ARHGEF11: variants seen among roughly 807,000 people sequenced by gnomAD.
ARHGEF11 encodes the protein Rho guanine exchange factor (GEF) 11.
In ARHGEF11, 55 loss-of-function variants were observed where a neutral mutation model predicts 193.7. The ratio of observed to expected loss-of-function variants is 0.28; its 90% CI spans 0.23 to 0.36. ARHGEF11 has a LOEUF of 0.36. ARHGEF11 is among the 10% of genes least tolerant of loss of function. ARHGEF11 has a pLI of 1.00. For synonymous variants in ARHGEF11, 693 were observed against 768.0 expected, an observed-to-expected ratio of 0.90 and a Z score of 1.62; for missense variants, 1,723 against 2,005.6, an observed-to-expected ratio of 0.86 and a Z score of 2.69.
chr1:157,030,115 TAC>T (rs1422227553), intron 1 of ARHGEF11, among the ~76,000 whole-genome samples: 1 of 152,194 alleles, frequency 6.6e-6, no homozygotes, highest in African/African-American at 2.4e-5. Context: ...CACTGAACTG[TAC>T]ACTCTAAAGC....
intron 1 of ARHGEF11, among the ~76,000 whole-genome samples, chr1:157,039,574 G>C (rs547070383): frequency 1.3e-5 from 2 of 152,296 alleles, no homozygotes; most frequent in African/African-American, 4.8e-5. Context: ...GCAAAGGAGT[G>C]ATCTTGCATG....
chr1:156,988,091 GC>G (rs1665188832), intron 1 of ARHGEF11, among the ~76,000 whole-genome samples: 1 of 152,186 alleles, frequency 6.6e-6, no homozygotes, highest in Non-Finnish European at 1.5e-5. Flanking sequence ...GAAGTATAAT[GC>G]CTGATGCCCG....
chr1:156,978,450 A>G lies in ARHGEF11; in HGVS notation c.332-68T>C, dbSNP rs190815802. ...TGGAGAGACAGTCCAGCTATACAGG[A>G]GGGGGCTGTTCTCCCTTGTCCTGTC... On this transcript the variant is annotated intron_variant, in intron 5 of 40. Transcript: ENST00000368194. 5,533 of 1,507,632 alleles carry G rather than the reference A, an allele frequency of 3.7e-3. 187 individuals carry two copies. In the African/African-American group the frequency reaches 0.071, roughly 19 times the overall value. 93.4% of individuals were successfully genotyped at this position (1,507,632 alleles called of 1,614,324 possible).
At chr1:156,950,639 C>G (rs888591873) in intron 22 of ARHGEF11, among the ~76,000 whole-genome samples, 25 of 151,892 alleles carry the variant, frequency 1.6e-4, no homozygotes, top group Non-Finnish European at 3.4e-4. Flanking sequence ...GATCCTGTCT[C>G]TTTAAAAAAG....
Position 156,941,866 on chromosome 1 carries a change from G to A in ARHGEF11, c.3450C>T (p.Ser1150=). The change falls in exon 34 of 41, where the codon AGC becomes AGT. Residue 1150 remains serine (S), a splice_region_variant and synonymous_variant. Coordinates refer to ENST00000368194, the MANE Select transcript of ARHGEF11 (RefSeq NM_198236.3). ...GTCTGGAGGGCTAAGCACTGCACCTGCTGGGTGTGGGGCCCTGCTGGGCTG... is the reference window on the plus strand; with the variant it reads ...GTCTGGAGGGCTAAGCACTGCACCTACTGGGTGTGGGGCCCTGCTGGGCTG... The part of the protein sequence containing the change: ...REPAQQGPTP[S]RVELDDSDVF... 2 of 1,608,616 alleles carry A rather than the reference G, an allele frequency of 1.2e-6. No homozygotes were observed. The highest frequency in any genetic ancestry group is 1.3e-5 in the African/African-American group (1 of 75,032).
chr1:157,027,653 GTAAC>G (rs1670813164), intron 1 of ARHGEF11, among the ~76,000 whole-genome samples: 1 of 152,180 alleles, frequency 6.6e-6, no homozygotes, highest in Non-Finnish European at 1.5e-5. Flanking sequence ...TTTTCCAAAA[GTAAC>G]TGCAACAGTA....
At chr1:156,977,893 T>C (rs1663483202) in intron 6 of ARHGEF11, among the ~76,000 whole-genome samples, 1 of 152,176 alleles carries the variant, frequency 6.6e-6, no homozygotes, top group African/African-American at 2.4e-5. Flanking sequence ...CTGCCTGAAG[T>C]GTACACTCTC....
chr1:157,013,269 A>ACACACACACACACACACACACACACC, intron 1 of ARHGEF11, among the ~76,000 whole-genome samples: 1 of 141,190 alleles, frequency 7.1e-6, no homozygotes, highest in African/African-American at 2.8e-5. Context: ...TCACTCACAC[A>ACACACACACACACACACACACACACC]CACACACACA....
intron 1 of ARHGEF11, among the ~76,000 whole-genome samples, chr1:157,019,096 CA>C (rs1254408865): frequency 6.6e-6 from 1 of 152,066 alleles, no homozygotes; most frequent in East Asian, 1.9e-4. Context: ...TCATTAAATA[CA>C]AAGAGTACAA....
At chr1:156,992,027 A>AT (rs1291110119) in intron 1 of ARHGEF11, among the ~76,000 whole-genome samples, 1 of 152,098 alleles carries the variant, frequency 6.6e-6, no homozygotes, top group African/African-American at 2.4e-5. Context: ...AGCTTATTTC[A>AT]TTTTTTGAAT....
rs1399506055 is a variant in ARHGEF11, at chr1:156,998,431, G to A, written c.33-12258C>T. On this transcript the variant is annotated intron_variant, in intron 1 of 40. Coordinates refer to ENST00000368194, the MANE Select transcript of ARHGEF11 (RefSeq NM_198236.3). Reference sequence around the variant, plus strand: ...AGCAGTGTGGTGAAGTGTGGAGTTAGAACAGGCCTGGCTCTGCCTCTGGCC... The same window carrying A: ...AGCAGTGTGGTGAAGTGTGGAGTTAAAACAGGCCTGGCTCTGCCTCTGGCC... Among the ~76,000 whole-genome samples, 6 of 152,232 alleles carry A rather than the reference G, an allele frequency of 3.9e-5. No homozygotes were observed. The South Asian group carries it at 1.0e-3, about 26-fold the overall frequency.
chr1:156,949,810 G>A (rs1047539214), intron 22 of ARHGEF11, among the ~76,000 whole-genome samples: 2 of 152,134 alleles, frequency 1.3e-5, no homozygotes, highest in African/African-American at 4.8e-5. Context: ...CATATCATCT[G>A]TCTTTGCCCC....
rs879296798 is a variant in ARHGEF11, at chr1:157,045,682, G to A, written c.-1352C>T. 9.3e-5 allele frequency among the ~76,000 whole-genome samples: 14 copies of A among 150,418 alleles called. No individual in the cohort carries two copies. Among genetic ancestry groups the A allele is most frequent in the South Asian group, 2.1e-4 (1 of 4,830 alleles). On this transcript the variant is annotated 5_prime_UTR_variant, in exon 1 of 41. Coordinates refer to ENST00000368194, the MANE Select transcript of ARHGEF11 (RefSeq NM_198236.3). ...CCTTCGCGGCCGCTCGGGACGCCAGGCTCGGCGCACAGGGAAGGCTGCGGC... is the reference window on the plus strand; with the variant it reads ...CCTTCGCGGCCGCTCGGGACGCCAGACTCGGCGCACAGGGAAGGCTGCGGC...
At chr1:156,961,908 A>C (rs1357839245) in intron 13 of ARHGEF11, 133 bp from the exon 14 acceptor site, 1 of 707,438 alleles carries the variant, frequency 1.4e-6, no homozygotes, top group Admixed American at 2.2e-5. Flanking sequence ...TGCTACTGGC[A>C]TCTAGTGGGT....
intron 8 of ARHGEF11, among the ~76,000 whole-genome samples, chr1:156,971,372 T>C (rs1388558112): frequency 6.6e-6 from 1 of 152,168 alleles, no homozygotes; most frequent in East Asian, 1.9e-4. Flanking sequence ...TGTACATACA[T>C]CCACTATGAA....
chr1:156,986,039 C>G, intron 2 of ARHGEF11, 43 bp downstream of exon 2: 1 of 1,506,006 alleles, frequency 6.6e-7, no homozygotes, highest in Non-Finnish European at 9.2e-7. Context: ...GCATGTGCCA[C>G]CATGCCTGGC....
At chr1:157,025,124 C>G (rs916166453) in intron 1 of ARHGEF11, among the ~76,000 whole-genome samples, 2 of 152,150 alleles carry the variant, frequency 1.3e-5, no homozygotes, top group Non-Finnish European at 2.9e-5. Context: ...ATAAGACTTG[C>G]AAGTAAAATC....
At chr1:156,980,565 T>C (rs1052281137) in intron 3 of ARHGEF11, 79 bp from the exon 4 acceptor site, 9 of 1,470,404 alleles carry the variant, frequency 6.1e-6, no homozygotes, top group Non-Finnish European at 8.4e-6. Context: ...TCAGATCACC[T>C]CTCCTCTGAA....
At chr1:156,951,549 C>T (rs371842682) in intron 22 of ARHGEF11, 24 bp downstream of exon 22, 77 of 1,612,244 alleles carry the variant, frequency 4.8e-5, no homozygotes, top group African/African-American at 6.7e-5. Context: ...GAGCAGCTGG[C>T]GAGTCCCATC....
Sources: gnomAD v4.1 joint callset for allele counts (sites outside exome capture counted in the v4.1 genomes callset) on GRCh38, gnomAD v4.1.1 for gene constraint, MANE v1.5 for transcripts, NCBI Gene and HGNC (gene_info 2026-07-23, HGNC 2026-07-21) for gene names.